Variants in CLSTN2 observed in about 807,000 individuals in gnomAD.
CLSTN2 encodes the protein calsyntenin 2.
CLSTN2 carries 48 observed loss-of-function variants against 101.2 expected under a neutral mutation model. The observed-to-expected ratio is 0.47, with a 90% confidence interval of 0.38 to 0.60. The LOEUF (loss-of-function observed/expected upper bound fraction) is 0.60, where lower values mean the gene tolerates loss of function less well. CLSTN2 is among the 20% of genes least tolerant of loss of function. The probability of loss-of-function intolerance (pLI) is 0.00; values close to 1 mark genes in which losing one functional copy is unlikely to be tolerated. For synonymous variants in CLSTN2, 481 were observed against 463.6 expected (o/e 1.04, Z -0.48); for missense variants, 1,160 against 1,238.2 (o/e 0.94, Z 0.95).
chr3:140,160,176 A>G (rs1258761275), intron 1 of CLSTN2, among the ~76,000 whole-genome samples: 1 of 152,162 alleles, frequency 6.6e-6, no homozygotes, highest in Admixed American at 6.5e-5. Flanking sequence ...TTGAAATTCT[A>G]AAAATATAAA....
At chr3:140,424,174 C>A (rs1386284729) in intron 5 of CLSTN2, among the ~76,000 whole-genome samples, 2 of 152,186 alleles carry the variant, frequency 1.3e-5, no homozygotes, top group Admixed American at 1.3e-4. Flanking sequence ...CAATTCCTTC[C>A]TGCCTAAAGG....
intron 2 of CLSTN2, among the ~76,000 whole-genome samples, chr3:140,247,223 T>C (rs141955986): frequency 6.6e-6 from 1 of 152,316 alleles, no homozygotes; most frequent in Non-Finnish European, 1.5e-5. Context: ...TCTGTGTCTC[T>C]TTGTGGTTAT....
At chr3:140,278,845 G>T (rs2086819446) in intron 2 of CLSTN2, among the ~76,000 whole-genome samples, 3 of 152,034 alleles carry the variant, frequency 2.0e-5, no homozygotes, top group Admixed American at 2.0e-4. Flanking sequence ...TCATCCTTCT[G>T]AGTAGCTGAG....
At chr3:140,161,961 T>C (rs772060462) in intron 1 of CLSTN2, among the ~76,000 whole-genome samples, 1 of 152,158 alleles carries the variant, frequency 6.6e-6, no homozygotes, top group South Asian at 2.1e-4. Context: ...AATAAACTCA[T>C]CAAATATTGA....
At chr3:140,551,223 C>T in intron 10 of CLSTN2, among the ~76,000 whole-genome samples, 1 of 151,896 alleles carries the variant, frequency 6.6e-6, no homozygotes, top group Non-Finnish European at 1.5e-5. Context: ...TTTTATTGGA[C>T]AGTTACTGCC....
At chr3:140,395,257 G>T (rs185118907) in intron 2 of CLSTN2, among the ~76,000 whole-genome samples, 3 of 152,224 alleles carry the variant, frequency 2.0e-5, no homozygotes, top group Admixed American at 1.3e-4. Context: ...CCCTCCCCCT[G>T]CTTTGGTTGA....
intron 1 of CLSTN2, among the ~76,000 whole-genome samples, chr3:139,976,867 A>G (rs1307100371): frequency 1.3e-5 from 2 of 152,158 alleles, no homozygotes; most frequent in Non-Finnish European, 2.9e-5. Flanking sequence ...TGTTGGCAAG[A>G]GACCTACAAC....
At chr3:140,350,156 G>A (rs897633449) in intron 2 of CLSTN2, among the ~76,000 whole-genome samples, 1 of 152,234 alleles carries the variant, frequency 6.6e-6, no homozygotes, top group Non-Finnish European at 1.5e-5. Flanking sequence ...TAGAGTGGGG[G>A]TGGACAGGAA....
chr3:140,422,192 TC>T (rs2088514372), intron 5 of CLSTN2, among the ~76,000 whole-genome samples: 2 of 1,066 alleles, frequency 1.9e-3, no homozygotes, highest in Non-Finnish European at 5.0e-3. Context: ...TCTTTCTTTC[TC>T]TCTCTCTCTC....
intron 1 of CLSTN2, among the ~76,000 whole-genome samples, chr3:140,171,879 T>C (rs2010242060): frequency 1.6e-5 from 2 of 124,320 alleles, no homozygotes; most frequent in African/African-American, 3.1e-5. Flanking sequence ...ATATATAATA[T>C]ATATATTATA....
At chr3:140,509,436 C>T (rs182922543) in intron 8 of CLSTN2, among the ~76,000 whole-genome samples, 2 of 152,258 alleles carry the variant, frequency 1.3e-5, no homozygotes, top group Admixed American at 6.5e-5. Flanking sequence ...CCAGCTGATA[C>T]TGATGCTGTG....
intron 1 of CLSTN2, among the ~76,000 whole-genome samples, chr3:139,951,087 C>T (rs769307): frequency 0.12 from 17,944 of 152,166 alleles, 1,170 homozygotes; most frequent in Middle Eastern, 0.25. Context: ...AGAGAATATC[C>T]AGCTGACTCA....
Position 140,412,960 on chromosome 3 carries a change from TA to T in CLSTN2, c.638-8159del, listed in dbSNP as rs1314657899. Among the ~76,000 whole-genome samples the T allele has an allele frequency of 2.0e-5, 3 of 151,964 alleles. No homozygotes were observed. In the East Asian group the frequency reaches 5.8e-4, roughly 29 times the overall value. ...ATTTTAAAAGAAGAAAGATCTCAAA[TA>T]AAAAACCTAATGTTATACGTCAAGG... On this transcript the variant is annotated intron_variant, in intron 4 of 16. Transcript: ENST00000458420.
At chr3:140,230,327 G>A (rs1316838285) in intron 2 of CLSTN2, among the ~76,000 whole-genome samples, 1 of 152,234 alleles carries the variant, frequency 6.6e-6, no homozygotes, top group East Asian at 1.9e-4. Context: ...TGTCAAACCA[G>A]TGGGTATTTT....
At chr3:140,223,160 G>A (rs901958804) in intron 2 of CLSTN2, among the ~76,000 whole-genome samples, 6 of 152,158 alleles carry the variant, frequency 3.9e-5, no homozygotes, top group Non-Finnish European at 5.9e-5. Flanking sequence ...CTGTTCACTT[G>A]GGCCAGAAGC....
chr3:140,115,987 G>A (rs538166480), intron 1 of CLSTN2, among the ~76,000 whole-genome samples: 89 of 152,298 alleles, frequency 5.8e-4, no homozygotes, highest in African/African-American at 2.0e-3. Flanking sequence ...TTGCTGTCCC[G>A]GAGCAGGAGT....
At chr3:140,149,452 C>T (rs1350100557) in intron 1 of CLSTN2, among the ~76,000 whole-genome samples, 1 of 92,140 alleles carries the variant, frequency 1.1e-5, no homozygotes, top group Non-Finnish European at 2.1e-5. Context: ...ACTCGAATGT[C>T]AGATAAATAG....
At chr3:140,107,909 C>T (rs4462908) in intron 1 of CLSTN2, among the ~76,000 whole-genome samples, 8,605 of 152,184 alleles carry the variant, frequency 0.057, 289 homozygotes, top group East Asian at 0.076. Flanking sequence ...GAAGAGGAGA[C>T]TCAAAAAAAG....
intron 1 of CLSTN2, among the ~76,000 whole-genome samples, chr3:140,166,766 G>A (rs569421849): frequency 1.8e-4 from 27 of 152,232 alleles, no homozygotes; most frequent in Admixed American, 1.3e-3. Flanking sequence ...GCAAAGACAC[G>A]GGCATTTTCC....
Sources: allele counts gnomAD v4.1 joint callset (sites outside exome capture counted in the v4.1 genomes callset), GRCh38; gene constraint gnomAD v4.1.1; transcripts MANE v1.5; gene names NCBI Gene and HGNC (gene_info 2026-07-23, HGNC 2026-07-21).